Variants in CNGB1 observed in about 807,000 individuals in gnomAD.
CNGB1 encodes cyclic nucleotide gated channel subunit beta 1, also known as cyclic nucleotide-gated channel beta-1.
Under a neutral mutation model 151.7 loss-of-function variants are expected in CNGB1, and 126 were observed. The observed-to-expected ratio is 0.83, with a 90% confidence interval of 0.72 to 0.96. The LOEUF is 0.96. Ranked by LOEUF, CNGB1 falls within the 40% of genes least tolerant of loss-of-function variation. CNGB1 has a pLI of 0.00. For missense variants in CNGB1, 1,698 were observed against 1,627.0 expected, an observed-to-expected ratio of 1.04 and a Z score of -0.75; for synonymous variants, 623 against 635.1, an observed-to-expected ratio of 0.98 and a Z score of 0.29.
At chr16:57,920,071 A>C (rs1254343169) in intron 19 of CNGB1, among the ~76,000 whole-genome samples, 1 of 152,214 alleles carries the variant, frequency 6.6e-6, no homozygotes, top group Non-Finnish European at 1.5e-5. Flanking sequence ...TCTGAGTGTA[A>C]GACCATAAGA....
intron 24 of CNGB1, among the ~76,000 whole-genome samples, chr16:57,912,696 TTG>T (rs1313117886): frequency 3.3e-5 from 5 of 151,126 alleles, no homozygotes; most frequent in Middle Eastern, 3.2e-3. Flanking sequence ...TATATCTCTG[TTG>T]TGTGTGTGTT....
At chr16:57,924,561 G>A (rs1448389817) in intron 17 of CNGB1, among the ~76,000 whole-genome samples, 1 of 152,134 alleles carries the variant, frequency 6.6e-6, no homozygotes, top group Non-Finnish European at 1.5e-5. Context: ...TGGGGACATG[G>A]GTATGCATGT....
intron 14 of CNGB1, among the ~76,000 whole-genome samples, chr16:57,946,203 G>A (rs1961804752): frequency 1.3e-5 from 2 of 152,342 alleles, no homozygotes; most frequent in African/African-American, 4.8e-5. Flanking sequence ...TTAAGATCCA[G>A]GGAGCAGCAG....
Position 57,967,199 on chromosome 16 carries a change from C to G in CNGB1, c.88G>C (p.Glu30Gln), listed in dbSNP as rs1962421727. ...TCCACCTCCGCCTCCATCTCTGGCT[C>G]TGGTTCCACTTCCTCTTCCTCCTGC... ...KMQEEEEVEP[E>Q]PEMEAEVEPE... Residue 30 changes from glutamate to glutamine, a missense_variant, in exon 2 of 33, where the codon GAG becomes CAG. By Grantham distance (29) the Glu-to-Gln change is conservative. Transcript: ENST00000251102. 4 of 1,614,168 alleles carry G rather than the reference C, an allele frequency of 2.5e-6. No homozygotes were observed. The highest frequency in any genetic ancestry group is 3.4e-6 in the Non-Finnish European group (4 of 1,180,032).
chr16:57,916,051 CCCCAGGCA>C, intron 22 of CNGB1, 70 bp downstream of exon 22: 1 of 1,383,390 alleles, frequency 7.2e-7, no homozygotes. Context: ...CTCATGAACG[CCCCAGGCA>C]CCCAGGGCCC....
chr16:57,931,868 C>T lies in CNGB1; in HGVS notation c.1383G>A (p.Thr461=), dbSNP rs773350723. ...CCACCTGCACTTCTGGGTGCTGTTTCGTGGCAGGCACTGGGGGAGAGGAAG... is the reference window on the plus strand; with the variant it reads ...CCACCTGCACTTCTGGGTGCTGTTTTGTGGCAGGCACTGGGGGAGAGGAAG... ...AEAASSGVPA[T]KQHPEVQVED... Residue 461 remains threonine, a synonymous_variant, in exon 17 of 33, where the codon ACG becomes ACA. Coordinates refer to ENST00000251102, the MANE Select transcript of CNGB1 (RefSeq NM_001297.5). 4.3e-6 allele frequency: 7 copies of T among 1,614,008 alleles called. No individual in the cohort carries two copies. The South Asian group carries it at 5.5e-5, about 13-fold the overall frequency.
At chr16:57,897,567 A>C in intron 30 of CNGB1, 24 bp from the exon 31 acceptor site, 3 of 1,613,586 alleles carry the variant, frequency 1.9e-6, no homozygotes, top group Non-Finnish European at 2.5e-6. Context: ...GGGAGGAAGG[A>C]GGCCCTTCAG....
At chr16:57,967,961 G>A (rs1208510923) in intron 1 of CNGB1, among the ~76,000 whole-genome samples, 2 of 152,050 alleles carry the variant, frequency 1.3e-5, no homozygotes, top group Non-Finnish European at 2.9e-5. Context: ...GTAACTAAAT[G>A]TTCATCTCTA....
At chr16:57,943,155 T>G (rs1396502063) in intron 14 of CNGB1, among the ~76,000 whole-genome samples, 1 of 152,106 alleles carries the variant, frequency 6.6e-6, no homozygotes, top group Non-Finnish European at 1.5e-5. Context: ...AAGGGGTTAA[T>G]ATCCAAAATA....
chr16:57,889,999 A>T (rs538696844), intron 31 of CNGB1, among the ~76,000 whole-genome samples: 2 of 152,238 alleles, frequency 1.3e-5, no homozygotes, highest in East Asian at 3.9e-4. Context: ...CCCACATCTA[A>T]TGGCATGTAC....
At chr16:57,890,596 G>A (rs1401617453) in intron 31 of CNGB1, among the ~76,000 whole-genome samples, 1 of 152,214 alleles carries the variant, frequency 6.6e-6, no homozygotes, top group Admixed American at 6.5e-5. Context: ...CCCTGTAACT[G>A]AGATTGAGCA....
chr16:57,943,804 C>T (rs1271149173), intron 14 of CNGB1, among the ~76,000 whole-genome samples: 3 of 152,098 alleles, frequency 2.0e-5, no homozygotes, highest in Non-Finnish European at 2.9e-5. Context: ...AATGGAACTA[C>T]CATATGATTC....
intron 16 of CNGB1, among the ~76,000 whole-genome samples, chr16:57,935,298 A>C (rs1406654491): frequency 6.6e-6 from 1 of 152,212 alleles, no homozygotes; most frequent in Non-Finnish European, 1.5e-5. Context: ...CTGGTTTTCC[A>C]TTTGAATAGT....
intron 21 of CNGB1, among the ~76,000 whole-genome samples, chr16:57,916,918 A>G (rs1960881875): frequency 6.6e-6 from 1 of 152,172 alleles, no homozygotes; most frequent in African/African-American, 2.4e-5. Flanking sequence ...TACTAGCCCC[A>G]TTCTACAGAT....
intron 13 of CNGB1, 139 bp downstream of exon 13, chr16:57,950,242 A>G (rs1961913295): frequency 1.0e-6 from 1 of 997,172 alleles, no homozygotes; most frequent in Non-Finnish European, 1.6e-6. Context: ...TACCCATGGG[A>G]GAAGGATGGC....
chr16:57,926,633 A>G (rs13330209), intron 17 of CNGB1, among the ~76,000 whole-genome samples: 16,623 of 152,212 alleles, frequency 0.11, 1,406 homozygotes, highest in African/African-American at 0.24. Flanking sequence ...CATTGCTGGG[A>G]CCCAAAGTCC....
At chr16:57,903,754 AT>A (rs1960453870) in intron 27 of CNGB1, 67 bp downstream of exon 27, 1 of 1,578,846 alleles carries the variant, frequency 6.3e-7, no homozygotes, top group East Asian at 2.2e-5. Context: ...CCCCGAAGGC[AT>A]GGCACCGGGC....
chr16:57,889,755 C>G (rs74019714), intron 31 of CNGB1, among the ~76,000 whole-genome samples: 11,081 of 152,212 alleles, frequency 0.073, 637 homozygotes, highest in East Asian at 0.25. Context: ...CAAGGCCACA[C>G]AGCTAAGAAG....
At chr16:57,932,400 CTTTTTTTTT>C (rs36048770) in intron 16 of CNGB1, among the ~76,000 whole-genome samples, 3 of 124,504 alleles carry the variant, frequency 2.4e-5, no homozygotes, top group Non-Finnish European at 5.0e-5. Flanking sequence ...CTTAAAGATT[CTTTTTTTTT>C]TTTTTTTTTT....
Sources: allele counts gnomAD v4.1 joint callset (sites outside exome capture counted in the v4.1 genomes callset), GRCh38; gene constraint gnomAD v4.1.1; transcripts MANE v1.5; gene names NCBI Gene and HGNC (gene_info 2026-07-23, HGNC 2026-07-21).